Variants in MAN1A1 observed in about 807,000 individuals in gnomAD.
The protein encoded by MAN1A1 is mannosyl-oligosaccharide 1,2-alpha-mannosidase IA.
Under a neutral mutation model 70.8 loss-of-function variants are expected in MAN1A1, and 29 were observed. The observed-to-expected ratio is 0.41, with a 90% CI of 0.31 to 0.56. MAN1A1 has a LOEUF of 0.56. MAN1A1 is among the 20% of genes least tolerant of loss of function. The pLI is 0.29. For missense variants in MAN1A1, 747 were observed against 841.3 expected (o/e 0.89, Z 1.39); for synonymous variants, 349 against 330.1 (o/e 1.06, Z -0.62).
At chr6:119,194,856 C>T (rs879449135) in intron 8 of MAN1A1, among the ~76,000 whole-genome samples, 7 of 148,266 alleles carry the variant, frequency 4.7e-5, no homozygotes, top group Non-Finnish European at 5.9e-5. Flanking sequence ...TTTTTTGAGA[C>T]GGAGTCTTGC....
chr6:119,308,562 T>C (rs1206155447), intron 2 of MAN1A1, among the ~76,000 whole-genome samples: 2 of 152,178 alleles, frequency 1.3e-5, no homozygotes, highest in Non-Finnish European at 2.9e-5. Flanking sequence ...GAATACATGA[T>C]CGTGGTATAT....
At chr6:119,247,145 T>C (rs748953796) in intron 6 of MAN1A1, among the ~76,000 whole-genome samples, 12 of 152,230 alleles carry the variant, frequency 7.9e-5, no homozygotes, top group Admixed American at 3.3e-4. Context: ...TTGGACAGAA[T>C]GTCACTAAAA....
intron 8 of MAN1A1, among the ~76,000 whole-genome samples, chr6:119,196,845 G>T (rs969491266): frequency 7.2e-5 from 11 of 152,156 alleles, no homozygotes; most frequent in African/African-American, 2.7e-4. Flanking sequence ...GGCTGTTATA[G>T]AAATCAAGGG....
At chr6:119,285,423 A>G (rs1321687685) in intron 5 of MAN1A1, among the ~76,000 whole-genome samples, 1 of 152,102 alleles carries the variant, frequency 6.6e-6, no homozygotes, top group Admixed American at 6.6e-5. Context: ...AACATTGGGG[A>G]TCACATTTCA....
chr6:119,322,846 G>A (rs1773051158), intron 2 of MAN1A1, among the ~76,000 whole-genome samples: 1 of 152,160 alleles, frequency 6.6e-6, no homozygotes, highest in Admixed American at 6.5e-5. Flanking sequence ...TAGAAGGAAG[G>A]CCTTAACTAG....
At chr6:119,251,250 T>C (rs1468401686) in intron 5 of MAN1A1, among the ~76,000 whole-genome samples, 1 of 152,236 alleles carries the variant, frequency 6.6e-6, no homozygotes, top group African/African-American at 2.4e-5. Context: ...GAAATGATAA[T>C]GACTTCCTGT....
At chr6:119,196,681 G>T (rs768641295) in intron 8 of MAN1A1, among the ~76,000 whole-genome samples, 3 of 152,104 alleles carry the variant, frequency 2.0e-5, no homozygotes, top group Non-Finnish European at 4.4e-5. Flanking sequence ...AAAGCAAGTA[G>T]CAAAAGAATC....
chr6:119,315,029 C>T (rs149171190), intron 2 of MAN1A1, among the ~76,000 whole-genome samples: 6 of 152,294 alleles, frequency 3.9e-5, no homozygotes, highest in Middle Eastern at 3.4e-3. Context: ...ACTACCACCA[C>T]GGGAGCTAAT....
intron 5 of MAN1A1, among the ~76,000 whole-genome samples, chr6:119,275,203 C>T (rs186403848): frequency 2.3e-4 from 33 of 146,510 alleles, no homozygotes; most frequent in Middle Eastern, 3.7e-3. Context: ...CTCTGCCTCC[C>T]GGGTTCAAGC....
chr6:119,259,914 TA>T (rs1775561102), intron 5 of MAN1A1, among the ~76,000 whole-genome samples: 1 of 152,182 alleles, frequency 6.6e-6, no homozygotes. Flanking sequence ...ACATAAAATA[TA>T]GAATCTTATT....
At chr6:119,205,496 C>T (rs1773835181) in intron 6 of MAN1A1, among the ~76,000 whole-genome samples, 1 of 152,170 alleles carries the variant, frequency 6.6e-6, no homozygotes, top group African/African-American at 2.4e-5. Context: ...GATCAAGAAT[C>T]TCAACAAAAT....
chr6:119,226,967 G>A (rs920572002), intron 6 of MAN1A1, among the ~76,000 whole-genome samples: 17 of 152,182 alleles, frequency 1.1e-4, no homozygotes, highest in African/African-American at 3.6e-4. Context: ...CACCATGCCC[G>A]GCCTGAACGT....
chr6:119,218,193 G>T (rs1251634723), intron 6 of MAN1A1, among the ~76,000 whole-genome samples: 1 of 151,956 alleles, frequency 6.6e-6, no homozygotes. Context: ...TTTGATTTTA[G>T]TCATGTTTTG....
chr6:119,296,196 C>CA (rs1772212520), intron 4 of MAN1A1, among the ~76,000 whole-genome samples: 1 of 152,152 alleles, frequency 6.6e-6, no homozygotes, highest in East Asian at 1.9e-4. Flanking sequence ...AGCAACGTGA[C>CA]AAATCTCTTA....
chr6:119,331,896 G>C, intron 2 of MAN1A1: 1 of 479,956 alleles, frequency 2.1e-6, no homozygotes, highest in South Asian at 1.5e-5. Flanking sequence ...CAGCAGAGAT[G>C]AGTGCACAAG....
chr6:119,232,203 T>C (rs1774699621), intron 6 of MAN1A1, among the ~76,000 whole-genome samples: 1 of 151,498 alleles, frequency 6.6e-6, no homozygotes, highest in Admixed American at 6.6e-5. Context: ...AAACCTCGTC[T>C]CTACTAAAAA....
At chr6:119,189,585 T>C in intron 10 of MAN1A1, 79 bp downstream of exon 10, 2 of 1,309,472 alleles carry the variant, frequency 1.5e-6, no homozygotes, top group Non-Finnish European at 2.2e-6. Context: ...GGATAGTCTT[T>C]TGAGGGCAGC....
At chr6:119,341,199 A>T (rs953199191) in intron 2 of MAN1A1, among the ~76,000 whole-genome samples, 1 of 152,124 alleles carries the variant, frequency 6.6e-6, no homozygotes, top group Non-Finnish European at 1.5e-5. Flanking sequence ...ATCAAAACTC[A>T]GTGGGGGCGG....
chr6:119,187,609 G>C lies in MAN1A1; in HGVS notation c.1719+796C>G, dbSNP rs1773325736. On this transcript the variant is annotated intron_variant, in intron 11 of 12. Transcript: ENST00000368468. Reference sequence around the variant, plus strand: ...TTCCTGAGAGAAGTCATTCCTCATGGACAGTTTTTAAAGATAGCTAACTTT... The same window carrying C: ...TTCCTGAGAGAAGTCATTCCTCATGCACAGTTTTTAAAGATAGCTAACTTT... 2.0e-5 allele frequency among the ~76,000 whole-genome samples: 3 copies of C among 152,200 alleles called. 1 individual carries two copies. In the South Asian group the frequency reaches 6.2e-4, roughly 32 times the overall value.
Sources: gnomAD v4.1 joint callset for allele counts (sites outside exome capture counted in the v4.1 genomes callset) on GRCh38, gnomAD v4.1.1 for gene constraint, MANE v1.5 for transcripts, NCBI Gene and HGNC (gene_info 2026-07-23, HGNC 2026-07-21) for gene names.